The following TECR variants were observed in gnomAD, a reference collection of about 807,000 sequenced individuals.
The protein encoded by TECR is trans-2,3-enoyl-CoA reductase.
A neutral mutation model predicts 50.6 loss-of-function variants in TECR; 19 were observed. The ratio of observed to expected loss-of-function variants is 0.38; its 90% CI spans 0.26 to 0.55. The LOEUF is 0.55. Among genes scored for constraint, TECR ranks in the 20% least tolerant of loss-of-function variants. TECR has a pLI of 0.79. For missense variants in TECR, 313 were observed against 408.3 expected (o/e 0.77, Z 2.01); for synonymous variants, 168 against 163.5 (o/e 1.03, Z -0.21).
At chr19:14,550,093 A>G (rs1186845496) in intron 1 of TECR, among the ~76,000 whole-genome samples, 1 of 152,050 alleles carries the variant, frequency 6.6e-6, no homozygotes, top group Non-Finnish European at 1.5e-5. Flanking sequence ...TTTCTTTGCC[A>G]AGATGTGAGT....
At chr19:14,539,738 C>T (rs142545773) in intron 1 of TECR, among the ~76,000 whole-genome samples, 41 of 152,214 alleles carry the variant, frequency 2.7e-4, no homozygotes, top group African/African-American at 7.2e-4. Context: ...CCTGGCCCTT[C>T]GTGTTACCGA....
intron 1 of TECR, among the ~76,000 whole-genome samples, chr19:14,556,826 A>G (rs1400120309): frequency 6.6e-6 from 1 of 152,036 alleles, no homozygotes; most frequent in Non-Finnish European, 1.5e-5. Context: ...GTGCGGCCAC[A>G]AGGGGGCAGT....
At chr19:14,558,400 G>A (rs939730159) in intron 1 of TECR, among the ~76,000 whole-genome samples, 3 of 152,146 alleles carry the variant, frequency 2.0e-5, no homozygotes, top group Admixed American at 6.5e-5. Context: ...CACAAACCTC[G>A]CCCCTGCTCC....
intron 2 of TECR, among the ~76,000 whole-genome samples, chr19:14,562,971 C>A (rs944437827): frequency 6.6e-6 from 1 of 151,974 alleles, no homozygotes; most frequent in African/African-American, 2.4e-5. Context: ...CGCCACTAGC[C>A]GGGCTGGGGG....
rs1394188688 is a variant in TECR, at chr19:14,563,144, C to T, written c.67-62C>T. 1 of 1,612,806 alleles carries T rather than the reference C, an allele frequency of 6.2e-7. No homozygotes were observed. Among genetic ancestry groups the T allele is most frequent in the South Asian group, 1.1e-5 (1 of 90,984 alleles). On this transcript the variant is annotated intron_variant, in intron 2 of 12. Coordinates refer to ENST00000215567, the MANE Select transcript of TECR (RefSeq NM_138501.6). The surrounding 1 kb of genome is among the most constrained non-coding windows in gnomAD (Gnocchi z 5.3). The stretch of plus-strand genomic sequence containing the variant: ...CCCAGCCTGCCATCCCCTTTAGTAC[C>T]TCCCCATCCTGAGTCTGGGCTCCCC...
At chr19:14,529,799 C>T in intron 1 of TECR, 88 bp downstream of exon 1, 3 of 1,588,270 alleles carry the variant, frequency 1.9e-6, no homozygotes, top group Non-Finnish European at 1.7e-6. Context: ...ACTTTCTGGT[C>T]CTGTGCCCCG....
rs1032569782 is a variant in TECR, at chr19:14,563,109, C to T, written c.67-97C>T. On this transcript the variant is annotated intron_variant, in intron 2 of 12. Coordinates refer to ENST00000215567, the MANE Select transcript of TECR (RefSeq NM_138501.6). This position sits in a 1 kb window ranked among gnomAD's most constrained non-coding sequence, Gnocchi z 5.3. ...CAGCCCTTCCCCCTTCCCATAGCTA[C>T]AGCCCAACCCCCAGCCTGCCATCCC... The T allele has an allele frequency of 2.6e-6, 4 of 1,524,546 alleles. No homozygotes were observed. The highest frequency in any genetic ancestry group is 3.6e-6 in the Non-Finnish European group (4 of 1,107,956). The allele number at this position is 1,524,546 out of a possible 1,614,324, so 94.4% of individuals were successfully genotyped here.
intron 1 of TECR, 88 bp from the exon 2 acceptor site, chr19:14,562,437 A>C: frequency 1.4e-6 from 2 of 1,481,134 alleles, no homozygotes; most frequent in Non-Finnish European, 1.9e-6. Context: ...AGGCCACCCC[A>C]GGCCTCCTCC....
At chr19:14,528,398 C>T (rs2072484812), upstream of TECR, among the ~76,000 whole-genome samples, 1 of 151,786 alleles carries the variant, frequency 6.6e-6, no homozygotes, top group Admixed American at 6.6e-5. Context: ...TACCACCACG[C>T]CCGGCTAATT....
chr19:14,529,201 G>A, upstream of TECR: 1 of 240,964 alleles, frequency 4.2e-6, no homozygotes, highest in Non-Finnish European at 8.6e-6. Flanking sequence ...TACCCCGGGG[G>A]CCGCCCACCT....
chr19:14,534,696 C>G (rs1353295214), intron 1 of TECR, among the ~76,000 whole-genome samples: 1 of 152,152 alleles, frequency 6.6e-6, no homozygotes, highest in African/African-American at 2.4e-5. Context: ...CTTGGCATCC[C>G]AAAGTGCTGG....
intron 1 of TECR, chr19:14,562,230 C>T (rs2146629470): frequency 1.7e-6 from 1 of 602,172 alleles, no homozygotes; most frequent in Non-Finnish European, 3.0e-6. Flanking sequence ...TCGGCAGTGC[C>T]AGGGCCGGCA....
At chr19:14,530,793 A>G (rs1036532674) in intron 1 of TECR, 3 of 152,132 alleles carry the variant, frequency 2.0e-5, no homozygotes, top group Non-Finnish European at 2.9e-5. Context: ...TACACATAAA[A>G]TTTACCATCT....
intron 1 of TECR, among the ~76,000 whole-genome samples, chr19:14,539,448 G>A (rs1302299189): frequency 6.6e-6 from 1 of 152,086 alleles, no homozygotes; most frequent in African/African-American, 2.4e-5. Flanking sequence ...CCAGGTGCCT[G>A]TCACAGCTGC....
At position 14,564,245 on chromosome 19, in the gene TECR, C is replaced by T. The variant is rs1234910477; in HGVS notation, c.447C>T (p.His149=). 7 of 1,607,508 alleles carry T rather than the reference C, an allele frequency of 4.4e-6. No individual in the cohort carries two copies. Among genetic ancestry groups the T allele is most frequent in the African/African-American group, 1.3e-5 (1 of 74,800 alleles). Residue 149 remains histidine, a synonymous_variant, in exon 7 of 13, where the codon CAC becomes CAT. Transcript: ENST00000215567. The part of the protein sequence containing the change: ...IKRLLETLFV[H]RFSHGTMPLR... ...GCCTGCTGGAGACGCTCTTCGTGCACCGCTTCTCCCATGGCACTATGCCTT... is the reference window on the plus strand; with the variant it reads ...GCCTGCTGGAGACGCTCTTCGTGCATCGCTTCTCCCATGGCACTATGCCTT...
At chr19:14,565,573 C>T (rs1256759856) in intron 11 of TECR, 45 bp from the exon 12 acceptor site, 5 of 1,589,110 alleles carry the variant, frequency 3.1e-6, no homozygotes, top group Admixed American at 3.5e-5. Flanking sequence ...GCCACATACA[C>T]GGGTTGCGAG....
At chr19:14,560,175 T>C (rs1374004226) in intron 1 of TECR, among the ~76,000 whole-genome samples, 1 of 152,194 alleles carries the variant, frequency 6.6e-6, no homozygotes, top group African/African-American at 2.4e-5. Context: ...GGGACCCCGA[T>C]GGCCGTACTC....
chr19:14,543,411 ATATATATATTTTTTTTTTTTTTTTTTT>A (rs1408957575), intron 1 of TECR, among the ~76,000 whole-genome samples: 43 of 9,128 alleles, frequency 4.7e-3, no homozygotes, highest in Non-Finnish European at 0.011. Context: ...ATATATATAT[ATATATATATTTTTTTTTTTTTTTTTTT>A]TTTTTTTTTT....
At chr19:14,549,164 A>G (rs529790245) in intron 1 of TECR, among the ~76,000 whole-genome samples, 31 of 151,636 alleles carry the variant, frequency 2.0e-4, no homozygotes, top group Non-Finnish European at 4.0e-4. Flanking sequence ...CCATTTGTCT[A>G]AGCCATCATT....
Sources: gnomAD v4.1 joint callset for allele counts (sites outside exome capture counted in the v4.1 genomes callset) on GRCh38, gnomAD v4.1.1 for gene constraint, Gnocchi (gnomAD v3.1) non-coding constraint, MANE v1.5 for transcripts, NCBI Gene and HGNC (gene_info 2026-07-23, HGNC 2026-07-21) for gene names.